The following ART1 variants were observed in gnomAD, a reference collection of about 807,000 sequenced individuals.
ART1 encodes GPI-linked NAD(P)(+)--arginine ADP-ribosyltransferase 1.
ART1 carries 29 observed loss-of-function variants against 27.0 expected under a neutral mutation model. The ratio of observed to expected loss-of-function variants is 1.08; its 90% confidence interval spans 0.80 to 1.47. The LOEUF (loss-of-function observed/expected upper bound fraction) is 1.47, where lower values mean the gene tolerates loss of function less well. Ranked by LOEUF, ART1 falls within the 40% of genes most tolerant of loss-of-function variation. The probability of loss-of-function intolerance (pLI) is 0.00; values close to 1 mark genes in which losing one functional copy is unlikely to be tolerated. For synonymous variants in ART1, 201 were observed against 172.2 expected (o/e 1.17, Z -1.31); for missense variants, 480 against 423.0 (o/e 1.13, Z -1.18).
At chr11:3,657,372 C>A (rs553228884) in intron 1 of ART1, among the ~76,000 whole-genome samples, 2 of 152,210 alleles carry the variant, frequency 1.3e-5, no homozygotes, top group South Asian at 4.1e-4. Flanking sequence ...CCCAGGAATT[C>A]GAGATCAGCC....
At position 3,660,344 on chromosome 11, in the gene ART1, C is replaced by CA; in HGVS notation, c.827dup (p.Asn276LysfsTer19). ...GAGCCCTGGGCAAGCACAGCACCTA[C>CA]AACTGCGAGTACATCAAAGGTAGGA... On this transcript the variant is annotated frameshift_variant, in exon 3 of 5. Coordinates refer to ENST00000250693, the MANE Select transcript of ART1 (RefSeq NM_004314.3). LOFTEE classifies it high-confidence loss of function. The CA allele has an allele frequency of 6.2e-7, 1 of 1,602,874 alleles. No homozygotes were observed. Among genetic ancestry groups the CA allele is most frequent in the Non-Finnish European group, 8.5e-7 (1 of 1,179,254 alleles).
Position 3,660,215 on chromosome 11 carries a change from C to T in ART1, c.696C>T (p.Tyr232=), listed in dbSNP as rs2077609562. The change falls in exon 3 of 5, where the codon TAC becomes TAT. Residue 232 remains tyrosine (Y), a synonymous_variant. Coordinates refer to ENST00000250693, the MANE Select transcript of ART1 (RefSeq NM_004314.3). ...WTCLGAPIKG[Y]SFFPGEEEVL... ...GCCTTGGGGCCCCTATCAAGGGCTA[C>T]TCCTTCTTCCCTGGAGAGGAAGAGG... The T allele has an allele frequency of 1.9e-6, 3 of 1,614,094 alleles. No individual in the cohort carries two copies. Among genetic ancestry groups the T allele is most frequent in the African/African-American group, 2.7e-5 (2 of 75,070 alleles).
intron 1 of ART1, among the ~76,000 whole-genome samples, chr11:3,650,341 C>A (rs1047509027): frequency 2.0e-5 from 3 of 152,214 alleles, no homozygotes; most frequent in African/African-American, 7.2e-5. Flanking sequence ...CTCCCAGAGC[C>A]CCTGGAACTC....
rs369199723 is a variant in ART1, at chr11:3,659,743, A to G, written c.224A>G (p.Tyr75Cys). The G allele has an allele frequency of 3.3e-4, 529 of 1,613,866 alleles. No individual in the cohort carries two copies. Among genetic ancestry groups the G allele is most frequent in the Non-Finnish European group, 4.4e-4 (514 of 1,179,998 alleles). Residue 75 changes from tyrosine to cysteine, a missense_variant, in exon 3 of 5, where the codon TAT (tyrosine) becomes TGT (cysteine). Physicochemically the swap from Tyr to Cys is radical, Grantham distance 194. Transcript: ENST00000250693. Reference protein sequence around the residue: ...NHTEFQANQVYADSWTLASSQ... With the variant: ...NHTEFQANQVCADSWTLASSQ... ...ACGGAGTTCCAGGCCAACCAGGTGTATGCAGACAGCTGGACACTGGCAAGC... is the reference window on the plus strand; with the variant it reads ...ACGGAGTTCCAGGCCAACCAGGTGTGTGCAGACAGCTGGACACTGGCAAGC...
chr11:3,650,528 T>TC (rs1262183737), intron 1 of ART1, among the ~76,000 whole-genome samples: 1 of 152,144 alleles, frequency 6.6e-6, no homozygotes, highest in African/African-American at 2.4e-5. Flanking sequence ...GGCTACCCAC[T>TC]CCACATTACC....
rs1469135618 is a variant in ART1 at position 3,660,206 on chromosome 11, CA to C, written c.689del (p.Lys230ArgfsTer13). 2 of 1,614,096 alleles carry C rather than the reference CA, an allele frequency of 1.2e-6. No individual in the cohort carries two copies. Among genetic ancestry groups the C allele is most frequent in the Middle Eastern group, 1.6e-4 (1 of 6,062 alleles). On this transcript the variant is annotated frameshift_variant, in exon 3 of 5. Coordinates refer to ENST00000250693, the MANE Select transcript of ART1 (RefSeq NM_004314.3). LOFTEE classifies it high-confidence loss of function. ...GIWTCLGAPI[K>X]GYSFFPGEEE... ...TCTGGACCTGCCTTGGGGCCCCTAT[CA>C]AGGGCTACTCCTTCTTCCCTGGAGA...
chr11:3,650,562 T>A (rs11599987), intron 1 of ART1, among the ~76,000 whole-genome samples: 5 of 152,092 alleles, frequency 3.3e-5, no homozygotes, highest in Admixed American at 6.5e-5. Flanking sequence ...CTTGTTTCCC[T>A]TGCTTCCATA....
intron 1 of ART1, among the ~76,000 whole-genome samples, chr11:3,646,201 C>A (rs1486359996): frequency 6.6e-6 from 1 of 152,062 alleles, no homozygotes; most frequent in Non-Finnish European, 1.5e-5. Context: ...TGACCAGAGT[C>A]GCGCTTTAGA....
At chr11:3,663,297 GT>G (rs2077637340) in intron 4 of ART1, among the ~76,000 whole-genome samples, 1 of 152,158 alleles carries the variant, frequency 6.6e-6, no homozygotes, top group African/African-American at 2.4e-5. Context: ...AAGAAGCCAG[GT>G]TTCCAGCTTC....
intron 4 of ART1, among the ~76,000 whole-genome samples, chr11:3,662,217 T>G (rs1324165374): frequency 6.6e-6 from 1 of 152,248 alleles, no homozygotes; most frequent in African/African-American, 2.4e-5. Flanking sequence ...CAACCCATTC[T>G]TTCTCTGTGC....
At chr11:3,647,948 G>A (rs1299549416) in intron 1 of ART1, among the ~76,000 whole-genome samples, 1 of 152,164 alleles carries the variant, frequency 6.6e-6, no homozygotes, top group Non-Finnish European at 1.5e-5. Context: ...AATAAAAGAG[G>A]TGTCAGGCCT....
intron 4 of ART1, 33 bp from the exon 5 acceptor site, chr11:3,664,059 C>G: frequency 6.2e-7 from 1 of 1,605,444 alleles, no homozygotes; most frequent in Non-Finnish European, 8.5e-7. Flanking sequence ...TTCTCTCTCT[C>G]TCCCCCAACC....
intron 1 of ART1, among the ~76,000 whole-genome samples, chr11:3,645,584 C>T (rs1177238459): frequency 6.6e-6 from 1 of 152,198 alleles, no homozygotes; most frequent in Non-Finnish European, 1.5e-5. Context: ...AGCCACCCAC[C>T]TGCTCTGCAG....
intron 4 of ART1, 81 bp from the exon 5 acceptor site, chr11:3,664,011 C>G (rs553300121): frequency 7.5e-7 from 1 of 1,337,294 alleles, no homozygotes; most frequent in Admixed American, 1.8e-5. Context: ...ATCTGCATGT[C>G]CCCACTTTTG....
intron 1 of ART1, among the ~76,000 whole-genome samples, chr11:3,653,853 C>T (rs2077549865): frequency 1.5e-5 from 1 of 68,872 alleles, no homozygotes; most frequent in African/African-American, 7.2e-5. Flanking sequence ...CCACCTCCTA[C>T]CTCTGTCTAT....
intron 4 of ART1, among the ~76,000 whole-genome samples, chr11:3,661,881 C>A (rs2077624267): frequency 6.6e-6 from 1 of 152,170 alleles, no homozygotes; most frequent in African/African-American, 2.4e-5. Context: ...GGGTTGCCAG[C>A]CTTAGCCAGG....
chr11:3,661,258 GA>G, intron 3 of ART1, 113 bp from the exon 4 acceptor site: 1 of 932,750 alleles, frequency 1.1e-6, no homozygotes, highest in Non-Finnish European at 1.6e-6. Context: ...GAATTAGGGG[GA>G]AATGCACCAA....
chr11:3,663,076 ATCATC>A lies in ART1; in HGVS notation c.887-1005_887-1001del, dbSNP rs1554883213. Among the ~76,000 whole-genome samples, 6 of 74,602 alleles carry A rather than the reference ATCATC, an allele frequency of 8.0e-5. 1 individual carries two copies. Among genetic ancestry groups the A allele is most frequent in the Non-Finnish European group, 1.5e-4 (6 of 40,346 alleles). The allele number at this position is 74,602 out of a possible 152,430, so 48.9% of individuals were successfully genotyped here. ...ATCTCATCTCATCTCATCTCATCTC[ATCATC>A]TCATCTCATCATCTCATCTCATCTC... is the stretch of plus-strand genomic sequence containing the variant. On this transcript the variant is annotated intron_variant, in intron 4 of 4. Transcript: ENST00000250693.
At chr11:3,661,258 G>T (rs2077618034) in intron 3 of ART1, 114 bp from the exon 4 acceptor site, 2 of 932,752 alleles carry the variant, frequency 2.1e-6, no homozygotes, top group Non-Finnish European at 3.2e-6. Flanking sequence ...GAATTAGGGG[G>T]AAATGCACCA....
Sources: allele counts gnomAD v4.1 joint callset (sites outside exome capture counted in the v4.1 genomes callset), GRCh38; gene constraint gnomAD v4.1.1; transcripts MANE v1.5; gene names NCBI Gene and HGNC (gene_info 2026-07-23, HGNC 2026-07-21).